Variants in HSF2BP observed in about 807,000 individuals in gnomAD.
HSF2BP encodes the protein heat shock factor 2-binding protein.
A neutral mutation model predicts 35.0 loss-of-function variants in HSF2BP; 35 were observed. The observed-to-expected ratio is 1.00, with a 90% CI of 0.76 to 1.32. The LOEUF (loss-of-function observed/expected upper bound fraction) is 1.32. Ranked by LOEUF, HSF2BP falls within the 40% of genes most tolerant of loss-of-function variation. The pLI is 0.00. For missense variants in HSF2BP, 326 were observed against 321.7 expected, an observed-to-expected ratio of 1.01 and a Z score of -0.10; for synonymous variants, 114 against 117.4, an observed-to-expected ratio of 0.97 and a Z score of 0.18.
intron 4 of HSF2BP, among the ~76,000 whole-genome samples, chr21:43,636,894 CAA>C (rs34578952): frequency 0.51 from 57,954 of 113,368 alleles, 11,762 homozygotes; most frequent in East Asian, 0.68. Context: ...CGTCTCAAAA[CAA>C]AAAAAAAAAA....
chr21:43,609,339 C>T (rs2082174049), intron 7 of HSF2BP, among the ~76,000 whole-genome samples: 1 of 152,172 alleles, frequency 6.6e-6, no homozygotes, highest in Non-Finnish European at 1.5e-5. Flanking sequence ...ACTATATCTA[C>T]TATCTGAGTG....
intron 3 of HSF2BP, among the ~76,000 whole-genome samples, chr21:43,647,109 T>C (rs1197612049): frequency 6.6e-6 from 1 of 152,264 alleles, no homozygotes; most frequent in African/African-American, 2.4e-5. Flanking sequence ...TCTGTATGTC[T>C]CATTCTCATA....
rs1435756358 is a variant in HSF2BP at position 43,658,062 on chromosome 21, C to T, written c.35G>A (p.Arg12Gln). Reference sequence around the variant, plus strand: ...GTCGGCCAGGGCTTCCTCACTAACCCGGCAGGCCTCCTCAGCGGCGCCCGC... The same window carrying T: ...GTCGGCCAGGGCTTCCTCACTAACCTGGCAGGCCTCCTCAGCGGCGCCCGC... ...GEAGAAEEAC[R>Q]HMGTKEEFVK... is the part of the protein sequence containing the mutation. Residue 12 changes from arginine to glutamine, a missense_variant and splice_region_variant, in exon 2 of 9, where the codon CGG (arginine) becomes CAG (glutamine). Arg to Gln is a conservative substitution (Grantham distance 43, BLOSUM62 1). Transcript: ENST00000291560. The T allele has an allele frequency of 2.0e-5, 30 of 1,535,656 alleles. No individual in the cohort carries two copies. The highest frequency in any genetic ancestry group is 2.5e-5 in the Non-Finnish European group (29 of 1,146,264).
chr21:43,584,049 C>T (rs1431563056), intron 8 of HSF2BP, among the ~76,000 whole-genome samples: 3 of 132,928 alleles, frequency 2.3e-5, no homozygotes, highest in East Asian at 4.7e-4. Context: ...GAGGACCTGC[C>T]GAAGGAGATG....
chr21:43,594,370 A>G (rs1306766361), intron 7 of HSF2BP, among the ~76,000 whole-genome samples: 1 of 152,208 alleles, frequency 6.6e-6, no homozygotes, highest in Non-Finnish European at 1.5e-5. Flanking sequence ...TGTCTACTCT[A>G]TGGGATTTTT....
Position 43,653,078 on chromosome 21 carries a change from G to A in HSF2BP, c.187+3509C>T, listed in dbSNP as rs1392765869. ...TGAACCCAGGGGGCAGAGGTTGCAG[G>A]GTTGCAGTGAGCTGAGATCATGCCA... On this transcript the variant is annotated intron_variant, in intron 3 of 8. Coordinates refer to ENST00000291560, the MANE Select transcript of HSF2BP (RefSeq NM_007031.2). Among the ~76,000 whole-genome samples, 4 of 151,842 alleles carry A rather than the reference G, an allele frequency of 2.6e-5. No homozygotes were observed. In the South Asian group the frequency reaches 6.3e-4, roughly 24 times the overall value.
intron 7 of HSF2BP, among the ~76,000 whole-genome samples, chr21:43,613,005 C>A (rs1215453052): frequency 6.6e-6 from 1 of 152,172 alleles, no homozygotes; most frequent in African/African-American, 2.4e-5. Flanking sequence ...TACTAACCAG[C>A]TGACTCAAGA....
chr21:43,639,875 G>A (rs776955519), intron 4 of HSF2BP, among the ~76,000 whole-genome samples: 17 of 152,024 alleles, frequency 1.1e-4, no homozygotes, highest in Non-Finnish European at 1.0e-4. Context: ...AAAAAAAACC[G>A]TAAGAACTAT....
chr21:43,600,986 C>A (rs2082045002), intron 7 of HSF2BP, among the ~76,000 whole-genome samples: 1 of 152,312 alleles, frequency 6.6e-6, no homozygotes, highest in Middle Eastern at 3.4e-3. Flanking sequence ...TAGCTCCAAC[C>A]TATTTCCACT....
chr21:43,603,955 G>A (rs964266084), intron 7 of HSF2BP, among the ~76,000 whole-genome samples: 1 of 152,132 alleles, frequency 6.6e-6, no homozygotes, highest in African/African-American at 2.4e-5. Flanking sequence ...GACCTGCAGG[G>A]CCCACAGGGA....
intron 8 of HSF2BP, among the ~76,000 whole-genome samples, chr21:43,586,634 G>C (rs917705069): frequency 1.3e-5 from 2 of 151,994 alleles, no homozygotes; most frequent in African/African-American, 4.8e-5. Flanking sequence ...CAGAAAAGCA[G>C]GATTCTAAAA....
intron 8 of HSF2BP, among the ~76,000 whole-genome samples, chr21:43,577,663 G>A (rs1044840274): frequency 1.3e-5 from 2 of 152,190 alleles, no homozygotes; most frequent in Admixed American, 6.5e-5. Flanking sequence ...TCAGGCCTCT[G>A]AGCCCAAGCT....
chr21:43,599,565 G>A (rs904055548), intron 7 of HSF2BP, among the ~76,000 whole-genome samples: 5 of 152,098 alleles, frequency 3.3e-5, no homozygotes, highest in Non-Finnish European at 7.4e-5. Context: ...AGGCTGAGGC[G>A]GGCAGGTCAC....
intron 4 of HSF2BP, among the ~76,000 whole-genome samples, chr21:43,643,938 G>C (rs1037622240): frequency 3.4e-5 from 5 of 148,888 alleles, no homozygotes; most frequent in Non-Finnish European, 5.9e-5. Flanking sequence ...CTGGGCGACA[G>C]AGCAAGACTC....
At chr21:43,657,921 C>T (rs2082899832) in intron 2 of HSF2BP, 140 bp downstream of exon 2, 7 of 1,468,970 alleles carry the variant, frequency 4.8e-6, no homozygotes, top group Admixed American at 2.3e-5. Context: ...GCCCAGCCCA[C>T]GCCGTTAGGG....
At chr21:43,593,003 C>A (rs1360876158) in intron 7 of HSF2BP, among the ~76,000 whole-genome samples, 1 of 152,070 alleles carries the variant, frequency 6.6e-6, no homozygotes, top group Non-Finnish European at 1.5e-5. Context: ...AATAAAAAGG[C>A]TAGACAAATA....
At chr21:43,611,144 G>C (rs899491833) in intron 7 of HSF2BP, among the ~76,000 whole-genome samples, 2 of 152,132 alleles carry the variant, frequency 1.3e-5, no homozygotes, top group Admixed American at 6.5e-5. Context: ...TGCTCAGAAG[G>C]CTGAGCTGGG....
intron 5 of HSF2BP, among the ~76,000 whole-genome samples, chr21:43,630,801 C>T (rs904245341): frequency 6.6e-6 from 1 of 152,048 alleles, no homozygotes; most frequent in Non-Finnish European, 1.5e-5. Context: ...GGTGTTCAAA[C>T]CTTTAGCATA....
chr21:43,578,493 G>T (rs749985534), intron 8 of HSF2BP, among the ~76,000 whole-genome samples: 2 of 152,142 alleles, frequency 1.3e-5, no homozygotes, highest in South Asian at 4.1e-4. Context: ...GGGAAAAAGG[G>T]TGCAGAACAA....
Sources: gnomAD v4.1 joint callset for allele counts (sites outside exome capture counted in the v4.1 genomes callset) on GRCh38, gnomAD v4.1.1 for gene constraint, MANE v1.5 for transcripts, NCBI Gene and HGNC (gene_info 2026-07-23, HGNC 2026-07-21) for gene names.